Variants in CCDC120 observed in about 807,000 individuals in gnomAD.
CCDC120 encodes the protein coiled-coil domain-containing protein 120.
CCDC120 carries 16 observed loss-of-function variants against 37.6 expected under a neutral mutation model. That is an observed-to-expected ratio of 0.43 (90% CI 0.29 to 0.65). CCDC120 has a LOEUF of 0.65. Ranked by LOEUF, CCDC120 falls within the 30% of genes least tolerant of loss-of-function variation. The pLI, the probability that CCDC120 is intolerant of heterozygous loss-of-function variation, is 0.18. For synonymous variants in CCDC120, 309 were observed against 275.4 expected, an observed-to-expected ratio of 1.12 and a Z score of -1.21; for missense variants, 650 against 657.4, an observed-to-expected ratio of 0.99 and a Z score of 0.12.
chrX:49,068,935 A>G lies in CCDC120; in HGVS notation c.*277A>G. 1 of 239,401 alleles carries G rather than the reference A, an allele frequency of 4.2e-6. No homozygotes were observed. The highest frequency in any genetic ancestry group is 7.5e-6 in the Non-Finnish European group (1 of 133,425). The allele number at this position is 239,401 out of a possible 1,213,427, so 19.7% of individuals were successfully genotyped here. ...AGCCCCTTCCTCCATTTATGTTTAC[A>G]GTTGTGACTTAGGTATTCACTGTCT... On this transcript the variant is annotated 3_prime_UTR_variant, in exon 11 of 11. Coordinates refer to ENST00000603986, the MANE Select transcript of CCDC120 (RefSeq NM_001163321.4).
At chrX:49,068,202 C>A (rs1159598974) in intron 10 of CCDC120, 112 bp downstream of exon 10, 1 of 1,107,172 alleles carries the variant, frequency 9.0e-7, no homozygotes, top group African/African-American at 1.9e-5. Context: ...CATGAGGAAA[C>A]TAGCTGCTGT....
chrX:49,064,898 C>T, intron 6 of CCDC120, 138 bp from the exon 7 acceptor site: 3 of 729,031 alleles, frequency 4.1e-6, no homozygotes, highest in Non-Finnish European at 6.1e-6. Context: ...CTGGTAAAAG[C>T]AGATTCTTGG....
chrX:49,066,959 C>T (rs1307693933), intron 9 of CCDC120: 1 of 416,222 alleles, frequency 2.4e-6, no homozygotes, highest in Non-Finnish European at 4.2e-6. Context: ...CAGGCCTCCC[C>T]CACGCATTTC....
upstream of CCDC120, among the ~76,000 whole-genome samples, chrX:49,055,178 G>A (rs1557078214): frequency 8.9e-6 from 1 of 112,180 alleles, no homozygotes; most frequent in African/African-American, 3.2e-5. Context: ...CTGTTCCTAC[G>A]CCCCTGCCCT....
At position 49,064,513 on chromosome X, in the gene CCDC120, G is replaced by A. The variant is rs1029159808; in HGVS notation, c.573G>A (p.Arg191=). The part of the protein sequence containing the change: ...RRQVQADALR[R]LHELEEQLRD... Reference sequence around the variant, plus strand: ...AGGTCCAGGCAGATGCACTGAGGAGGCTGCATGAGCTAGAGGAGCAGCTCA... The same window carrying A: ...AGGTCCAGGCAGATGCACTGAGGAGACTGCATGAGCTAGAGGAGCAGCTCA... Residue 191 remains arginine, a synonymous_variant, in exon 6 of 11, where the codon AGG becomes AGA. Transcript: ENST00000603986. 2 of 1,182,294 alleles carry A rather than the reference G, an allele frequency of 1.7e-6. No homozygotes were observed. The highest frequency in any genetic ancestry group is 2.3e-6 in the Non-Finnish European group (2 of 881,255).
In CCDC120 at chrX:49,065,603, C is replaced by T. The variant is rs1347081750; in HGVS notation, c.937C>T (p.Arg313Trp). The T allele has an allele frequency of 1.3e-5, 16 of 1,207,674 alleles. No individual in the cohort carries two copies. The highest frequency in any genetic ancestry group is 3.0e-5 in the East Asian group (1 of 33,675). Residue 313 changes from arginine (R) to tryptophan (W), a missense_variant, in exon 8 of 11, where the codon CGG (arginine) becomes TGG (tryptophan). Physicochemically the swap from Arg to Trp is moderately radical, Grantham distance 101. Coordinates refer to ENST00000603986, the MANE Select transcript of CCDC120 (RefSeq NM_001163321.4). ...SDLYGDLKSR[R>W]NSVASPTSPT... is the part of the protein sequence containing the mutation. ...TCTTTATGGGGATCTGAAGAGCCGG[C>T]GGAACTCTGTGGCCAGCCCCACCAG... is the stretch of plus-strand genomic sequence containing the variant.
intron 8 of CCDC120, 30 bp downstream of exon 8, chrX:49,065,658 G>A: frequency 8.3e-7 from 1 of 1,206,342 alleles, no homozygotes; most frequent in Non-Finnish European, 1.1e-6. Context: ...CCCCTCCGCA[G>A]GAGCTGGGAA....
chrX:49,061,982 T>C lies in CCDC120; in HGVS notation c.-60T>C, dbSNP rs2064890602. On this transcript the variant is annotated 5_prime_UTR_variant, in exon 2 of 11. It removes an upstream start codon present in the reference 5' UTR. Transcript: ENST00000603986. ...AGGCAAGACTCGTGGCTGTGACCCA[T>C]GGGCCTCTGAGGAGGCGTTGTAAGT... 1 of 1,145,940 alleles carries C rather than the reference T, an allele frequency of 8.7e-7. No individual in the cohort carries two copies. The highest frequency in any genetic ancestry group is 1.8e-5 in the African/African-American group (1 of 55,492). The allele number at this position is 1,145,940 out of a possible 1,213,427, so 94.4% of individuals were successfully genotyped here. A position where few individuals can be genotyped will look rare whatever the true frequency, so the allele number is the denominator to read the frequency against.
At position 49,064,576 on chromosome X, in the gene CCDC120, G is replaced by A. The variant is rs1557080534; in HGVS notation, c.636G>A (p.Pro212=). The A allele has an allele frequency of 2.5e-6, 3 of 1,179,462 alleles. No individual in the cohort carries two copies. Among genetic ancestry groups the A allele is most frequent in the Admixed American group, 2.4e-5 (1 of 41,049 alleles). ...VRARLGLPVL[P]LPQPLPLSTG... ...CCCGCCTTGGCCTCCCAGTGCTCCC[G>A]CTGCCCCAGCCACTGCCACTGTCCA... The change falls in exon 6 of 11, where the codon CCG becomes CCA. Residue 212 remains proline, a synonymous_variant. Transcript: ENST00000603986.
chrX:49,062,666 T>G, intron 4 of CCDC120, 65 bp downstream of exon 4: 67 of 1,062,479 alleles, frequency 6.3e-5, no homozygotes, highest in Non-Finnish European at 7.7e-5. Context: ...CTGGGGCCCC[T>G]AGGTAGACAG....
In CCDC120 at chrX:49,065,758, C is replaced by G; in HGVS notation, c.974C>G (p.Ser325Trp). ...SVASPTSPTR[S>W]LPRSASSFEG... ...CTGTCTCTGTCTAGCCCCACACGCT[C>G]GCTGCCCAGGAGTGCCTCCAGTTTT... The change falls in exon 9 of 11, where the codon TCG (serine) becomes TGG (tryptophan). Residue 325 changes from serine to tryptophan, a missense_variant. Ser to Trp is a radical substitution (Grantham distance 177). Around this residue, in one of 3 missense-constraint regions of CCDC120, gnomAD observed 576 missense variants for 565.3 expected, o/e 1.02. Transcript: ENST00000603986. 4.3e-6 allele frequency: 5 copies of G among 1,174,298 alleles called. No homozygotes were observed. Among genetic ancestry groups the G allele is most frequent in the Non-Finnish European group, 4.6e-6 (4 of 876,423 alleles).
At chrX:49,068,261 G>A in intron 10 of CCDC120, 171 bp downstream of exon 10, 1 of 1,085,086 alleles carries the variant, frequency 9.2e-7, no homozygotes, top group Non-Finnish European at 1.2e-6. Context: ...AGTCCATGGG[G>A]TCCTGGTGGA....
Position 49,062,092 on chromosome X carries a change from G to A in CCDC120, c.51G>A (p.Thr17=), listed in dbSNP as rs782400326. ...YQGQVGPDIH[T]DSERTLSSHQ... is the part of the protein sequence containing the mutation. The stretch of plus-strand genomic sequence containing the variant: ...GCCAAGTGGGTCCAGACATCCACAC[G>A]GATTCTGAAAGGGCAGGTCAAGCAG... Residue 17 remains threonine, a synonymous_variant, in exon 2 of 11, where the codon ACG becomes ACA. Transcript: ENST00000603986. The A allele has an allele frequency of 5.2e-6, 6 of 1,155,799 alleles. No individual in the cohort carries two copies. Among genetic ancestry groups the A allele is most frequent in the South Asian group, 1.9e-5 (1 of 52,572 alleles).
rs782006096 is a variant in CCDC120, at chrX:49,062,485, G to C, written c.172G>C (p.Ala58Pro). The C allele has an allele frequency of 1.9e-5, 23 of 1,210,664 alleles. No individual in the cohort carries two copies. Among genetic ancestry groups the C allele is most frequent in the Non-Finnish European group, 2.5e-5 (22 of 895,406 alleles). ...GTGTCCAGCTGCCCTGTTCGGAGAG[G>C]CTGCCCCCCAGGTGAAGTCAGAGCG... Reference protein sequence around the residue: ...FNAPAALFGEAAPQVKSERLR... With the variant: ...FNAPAALFGEPAPQVKSERLR... The change falls in exon 4 of 11, where the codon GCT becomes CCT. Residue 58 changes from alanine (A) to proline (P), a missense_variant. Around this residue, in one of 3 missense-constraint regions of CCDC120, gnomAD observed 64 missense variants for 65.2 expected, o/e 0.98. Transcript: ENST00000603986.
Position 49,064,549 on chromosome X carries a change from G to A in CCDC120, c.609G>A (p.Arg203=). ...HELEEQLRDV[R]ARLGLPVLPL... ...TAGAGGAGCAGCTCAGGGATGTCCG[G>A]GCCCGCCTTGGCCTCCCAGTGCTCC... Residue 203 remains arginine (R), a synonymous_variant, in exon 6 of 11, where the codon CGG becomes CGA. Coordinates refer to ENST00000603986, the MANE Select transcript of CCDC120 (RefSeq NM_001163321.4). 3.4e-6 allele frequency: 4 copies of A among 1,175,863 alleles called. No homozygotes were observed. The highest frequency in any genetic ancestry group is 3.4e-6 in the Non-Finnish European group (3 of 877,399).
intron 3 of CCDC120, 30 bp downstream of exon 3, chrX:49,062,355 C>T (rs1557079686): frequency 8.3e-7 from 1 of 1,206,530 alleles, no homozygotes. Flanking sequence ...CCTGCTGCCT[C>T]CTCCCCTGCT....
At chrX:49,058,498 A>G (rs782090882), upstream of CCDC120, among the ~76,000 whole-genome samples, 15 of 112,280 alleles carry the variant, frequency 1.3e-4, no homozygotes, top group African/African-American at 4.8e-4. Flanking sequence ...GAAGCCTCCC[A>G]TGTACTTTAC....
chrX:49,064,724 G>A (rs1450678259), intron 6 of CCDC120, 60 bp downstream of exon 6: 4 of 1,094,276 alleles, frequency 3.7e-6, no homozygotes, highest in Non-Finnish European at 4.8e-6. Context: ...TGGTAGGGCT[G>A]GGATGGGTGA....
rs188227044 is a variant in CCDC120 at position 49,065,224 on chromosome X, T to C, written c.787+126T>C. 1,308 of 761,473 alleles carry C rather than the reference T, an allele frequency of 1.7e-3. 15 individuals are homozygous for C. In the African/African-American group the frequency reaches 0.025, roughly 15 times the overall value. The allele number at this position is 761,473 out of a possible 1,213,427, so 62.8% of individuals were successfully genotyped here. Reference sequence around the variant, plus strand: ...TGATGCCCAGCCCCTCCTGTGCTGCTTCAGCTTCTCCTTAGCCATGCTCCA... The same window carrying C: ...TGATGCCCAGCCCCTCCTGTGCTGCCTCAGCTTCTCCTTAGCCATGCTCCA... On this transcript the variant is annotated intron_variant, in intron 7 of 10. Transcript: ENST00000603986.
Sources: allele counts gnomAD v4.1 joint callset (sites outside exome capture counted in the v4.1 genomes callset), GRCh38; gene constraint gnomAD v4.1.1; regional missense constraint gnomAD v4.1.1; transcripts MANE v1.5; gene names NCBI Gene and HGNC (gene_info 2026-07-23, HGNC 2026-07-21).